Variants in GUCY2C observed in about 807,000 individuals in gnomAD.
The protein encoded by GUCY2C is guanylate cyclase 2C.
In GUCY2C, 118 loss-of-function variants were observed where a neutral mutation model predicts 131.1. The ratio of observed to expected loss-of-function variants is 0.90; its 90% CI spans 0.78 to 1.05. GUCY2C has a LOEUF of 1.05. Among genes scored for constraint, GUCY2C ranks in the 50% least tolerant of loss-of-function variants. The pLI, the probability that GUCY2C is intolerant of heterozygous loss-of-function variation, is 0.00. For missense variants in GUCY2C, 1,161 were observed against 1,304.4 expected (o/e 0.89, Z 1.69); for synonymous variants, 452 against 457.8 (o/e 0.99, Z 0.16).
At chr12:14,640,519 G>A (rs141993635) in intron 18 of GUCY2C, among the ~76,000 whole-genome samples, 195 of 151,168 alleles carry the variant, frequency 1.3e-3, no homozygotes, top group Middle Eastern at 6.9e-3. Context: ...TGCTACTGTC[G>A]CTGTAAAACT....
intron 15 of GUCY2C, 86 bp from the exon 16 acceptor site, chr12:14,645,401 A>G (rs1013951537): frequency 3.0e-6 from 2 of 675,926 alleles, no homozygotes; most frequent in Non-Finnish European, 5.2e-6. Context: ...AATGATCTTC[A>G]AATTATGAAA....
At chr12:14,680,702 A>AGGT (rs1948332208) in intron 5 of GUCY2C, among the ~76,000 whole-genome samples, 1 of 152,160 alleles carries the variant, frequency 6.6e-6, no homozygotes, top group Non-Finnish European at 1.5e-5. Context: ...TTGCGGGAAC[A>AGGT]GGTGGTGTTT....
At chr12:14,693,252 A>G (rs910528410) in intron 1 of GUCY2C, among the ~76,000 whole-genome samples, 1 of 152,114 alleles carries the variant, frequency 6.6e-6, no homozygotes, top group Non-Finnish European at 1.5e-5. Flanking sequence ...GGTTGGACCA[A>G]CGTGGACCAA....
intron 22 of GUCY2C, among the ~76,000 whole-genome samples, chr12:14,621,634 C>T (rs1314750576): frequency 6.6e-6 from 1 of 152,088 alleles, no homozygotes; most frequent in African/African-American, 2.4e-5. Context: ...TGTATACATT[C>T]TTGTAGTATG....
rs533027031 is a variant in GUCY2C, at chr12:14,650,317, G to A, written c.1710+1090C>T. On this transcript the variant is annotated intron_variant, in intron 15 of 26. Transcript: ENST00000261170. Reference sequence around the variant, plus strand: ...GGTTGGAGTGCAGTGGCGTGATCTCGGCTCACTGCAACCTCTGACTCCCTG... The same window carrying A: ...GGTTGGAGTGCAGTGGCGTGATCTCAGCTCACTGCAACCTCTGACTCCCTG... Among the ~76,000 whole-genome samples the A allele has an allele frequency of 2.6e-5, 4 of 152,076 alleles. No individual in the cohort carries two copies. The South Asian group carries it at 6.2e-4, about 24-fold the overall frequency.
In GUCY2C at chr12:14,655,690, C is replaced by T. The variant is rs76866123; in HGVS notation, c.1470+822G>A. On this transcript the variant is annotated intron_variant, in intron 12 of 26. Coordinates refer to ENST00000261170, the MANE Select transcript of GUCY2C (RefSeq NM_004963.4). ...CTTGGGTCTCCATATTCTCTTAATACGCTTTGGTATAAAAACTAGGATAAT... is the reference window on the plus strand; with the variant it reads ...CTTGGGTCTCCATATTCTCTTAATATGCTTTGGTATAAAAACTAGGATAAT... 2.3e-3 allele frequency among the ~76,000 whole-genome samples: 356 copies of T among 152,184 alleles called. 3 individuals are homozygous for T. Among genetic ancestry groups the T allele is most frequent in the African/African-American group, 8.1e-3 (337 of 41,538 alleles).
chr12:14,665,068 C>T (rs1947947647), intron 10 of GUCY2C, among the ~76,000 whole-genome samples: 1 of 151,862 alleles, frequency 6.6e-6, no homozygotes, highest in Admixed American at 6.6e-5. Context: ...AAAAATTAGC[C>T]GGCCGCGGTG....
chr12:14,680,780 A>T (rs1264301867), intron 5 of GUCY2C, among the ~76,000 whole-genome samples: 1 of 152,166 alleles, frequency 6.6e-6, no homozygotes, highest in African/African-American at 2.4e-5. Flanking sequence ...TAGGCAGTGT[A>T]CGCTGTACCC....
At position 14,614,927 on chromosome 12, in the gene GUCY2C, G is replaced by A. The variant is rs765228667; in HGVS notation, c.2987C>T (p.Thr996Ile). 6.3e-7 allele frequency: 1 copy of A among 1,580,672 alleles called. No individual in the cohort carries two copies. Among genetic ancestry groups the A allele is most frequent in the South Asian group, 1.2e-5 (1 of 86,504 alleles). Residue 996 changes from threonine to isoleucine, a missense_variant, in exon 26 of 27, where the codon ACT becomes ATT. Thr to Ile is a moderately conservative substitution (Grantham distance 89). Transcript: ENST00000261170. ...ETYLKGRGNE[T>I]TYWLTGMKDQ... ...CTTCATCCCAGTCAGCCAGTAGGTAGTCTCATTTCCTCTTCCCTGGTAAGA... is the reference window on the plus strand; with the variant it reads ...CTTCATCCCAGTCAGCCAGTAGGTAATCTCATTTCCTCTTCCCTGGTAAGA...
Position 14,628,748 on chromosome 12 carries a change from A to AAG in GUCY2C, c.2158-12_2158-11insCT. 7.1e-7 allele frequency: 1 copy of AAG among 1,404,316 alleles called. No homozygotes were observed. The highest frequency in any genetic ancestry group is 1.0e-6 in the Non-Finnish European group (1 of 990,688). The allele number at this position is 1,404,316 out of a possible 1,614,324, so 87.0% of individuals were successfully genotyped here. A position where few individuals can be genotyped will look rare whatever the true frequency, so the allele number is the denominator to read the frequency against. ...TACAAGTAGGTACACCTGGAAGAAAAAAAAACGGGCAAATTAGCTAAGGGG... is the reference window on the plus strand; with the variant it reads ...TACAAGTAGGTACACCTGGAAGAAAAAGAAAAACGGGCAAATTAGCTAAGGGG... On this transcript the variant is annotated splice_polypyrimidine_tract_variant and intron_variant, in intron 19 of 26. Coordinates refer to ENST00000261170, the MANE Select transcript of GUCY2C (RefSeq NM_004963.4).
chr12:14,643,642 A>G lies in GUCY2C; in HGVS notation c.1862T>C (p.Val621Ala), dbSNP rs750865524. The G allele has an allele frequency of 2.5e-6, 4 of 1,612,768 alleles. No homozygotes were observed. The highest frequency in any genetic ancestry group is 1.3e-5 in the African/African-American group (1 of 74,876). The change falls in exon 17 of 27, where the codon GTA becomes GCA. Residue 621 changes from valine (V) to alanine (A), a missense_variant. Transcript: ENST00000261170. ...CTTCACCACCATTCTACTGTCCACT[A>G]CGCAGTTGGTAGATTTCAGACGACC... is the stretch of plus-strand genomic sequence containing the variant. ...VHGRLKSTNC[V>A]VDSRMVVKIT...
At chr12:14,650,292 G>C (rs1457533184) in intron 15 of GUCY2C, among the ~76,000 whole-genome samples, 1 of 152,144 alleles carries the variant, frequency 6.6e-6, no homozygotes, top group African/African-American at 2.4e-5. Context: ...TCTGTTGCCA[G>C]GTTGGAGTGC....
intron 15 of GUCY2C, 55 bp downstream of exon 15, chr12:14,651,352 G>A: frequency 1.2e-6 from 1 of 866,214 alleles, no homozygotes; most frequent in South Asian, 1.4e-5. Context: ...ATTTTAAAAG[G>A]CCTGCTGAAT....
In GUCY2C at chr12:14,616,680, T is replaced by G. The variant is rs1381791151; in HGVS notation, c.2923A>C (p.Thr975Pro). The G allele has an allele frequency of 6.2e-7, 1 of 1,609,558 alleles. No individual in the cohort carries two copies. Among genetic ancestry groups the G allele is most frequent in the African/African-American group, 1.3e-5 (1 of 74,792 alleles). Residue 975 changes from threonine (T) to proline (P), a missense_variant, in exon 25 of 27, where the codon ACT becomes CCT. By Grantham distance (38) the Thr-to-Pro change is conservative. Transcript: ENST00000261170. ...SGSTIAILKR[T>P]ECQFLYEVRG... is the part of the protein sequence containing the mutation. ...ACTTCATAAAGGAACTGGCACTCAG[T>G]TCTCTTCAGGATGGCTATGGTGGAG... is the stretch of plus-strand genomic sequence containing the variant.
chr12:14,622,191 C>T lies in GUCY2C; in HGVS notation c.2415G>A (p.Val805=). 1.3e-6 allele frequency: 2 copies of T among 1,524,328 alleles called. No individual in the cohort carries two copies. Among genetic ancestry groups the T allele is most frequent in the Non-Finnish European group, 1.8e-6 (2 of 1,142,178 alleles). 94.4% of individuals were successfully genotyped at this position (1,524,328 alleles called of 1,614,324 possible). The change falls in exon 22 of 27, where the codon GTG becomes GTA. Residue 805 remains valine, a synonymous_variant. Transcript: ENST00000261170. Reference sequence around the variant, plus strand: ...AGCCTTTCTCCTTCAGAGACTTTACCACTAGCCTAGATGAACGAAGGGAAA... The same window carrying T: ...AGCCTTTCTCCTTCAGAGACTTTACTACTAGCCTAGATGAACGAAGGGAAA... ...RLNFMLLPRL[V]VKSLKEKGFV... is the part of the protein sequence containing the mutation.
chr12:14,651,813 C>T (rs1947664820), intron 14 of GUCY2C, 146 bp downstream of exon 14: 1 of 584,512 alleles, frequency 1.7e-6, no homozygotes, highest in East Asian at 2.9e-5. Context: ...TCCAATATCT[C>T]TTGGTAGAAT....
Position 14,661,071 on chromosome 12 carries a change from G to T in GUCY2C, c.1283-9C>A. On this transcript the variant is annotated splice_polypyrimidine_tract_variant and intron_variant, in intron 10 of 26. Coordinates refer to ENST00000261170, the MANE Select transcript of GUCY2C (RefSeq NM_004963.4). ...CATCAGGATCTGAGGGCCTGTGGCGGAAAATGCGTTAGGAAGGACCTTAGA... is the reference window on the plus strand; with the variant it reads ...CATCAGGATCTGAGGGCCTGTGGCGTAAAATGCGTTAGGAAGGACCTTAGA... 1 of 1,582,456 alleles carries T rather than the reference G, an allele frequency of 6.3e-7. No individual in the cohort carries two copies. Among genetic ancestry groups the T allele is most frequent in the Non-Finnish European group, 8.7e-7 (1 of 1,151,320 alleles).
intron 23 of GUCY2C, 27 bp downstream of exon 23, chr12:14,621,015 A>G: frequency 6.3e-7 from 1 of 1,599,898 alleles, no homozygotes; most frequent in Non-Finnish European, 8.6e-7. Flanking sequence ...TATGGTTCCC[A>G]ATTTGCTAAG....
At chr12:14,619,404 A>G in intron 23 of GUCY2C, 95 bp from the exon 24 acceptor site, 1 of 746,804 alleles carries the variant, frequency 1.3e-6, no homozygotes, top group Non-Finnish European at 2.4e-6. Context: ...ACAATCCTGA[A>G]TACTTCCTGT....
Sources: allele counts gnomAD v4.1 joint callset (sites outside exome capture counted in the v4.1 genomes callset), GRCh38; gene constraint gnomAD v4.1.1; transcripts MANE v1.5; gene names NCBI Gene and HGNC (gene_info 2026-07-23, HGNC 2026-07-21).